Variants in INSYN2B observed in about 807,000 individuals in gnomAD.
INSYN2B encodes inhibitory synaptic factor family member 2B, also known as protein INSYN2B.
Under a neutral mutation model 41.2 loss-of-function variants are expected in INSYN2B, and 16 were observed. That is an observed-to-expected ratio of 0.39 (90% CI 0.26 to 0.59). The LOEUF is 0.59. Among genes scored for constraint, INSYN2B ranks in the 20% least tolerant of loss-of-function variants. The probability of loss-of-function intolerance (pLI) is 0.57; values close to 1 mark genes in which losing one functional copy is unlikely to be tolerated. For missense variants in INSYN2B, 608 were observed against 646.4 expected, an observed-to-expected ratio of 0.94 and a Z score of 0.64; for synonymous variants, 245 against 244.4, an observed-to-expected ratio of 1.00 and a Z score of -0.02.
chr5:169,946,548 C>A lies in INSYN2B; in HGVS notation c.-919+33729G>T, dbSNP rs139281609. ...CACTGCAAAGAACTGGGGGATCTGGCATAGTCACTCATCCATTCATTCATT... is the reference window on the plus strand; with the variant it reads ...CACTGCAAAGAACTGGGGGATCTGGAATAGTCACTCATCCATTCATTCATT... On this transcript the variant is annotated intron_variant, in intron 1 of 3. Coordinates refer to ENST00000377365, the MANE Select transcript of INSYN2B (RefSeq NM_001129891.3). 3.3e-3 allele frequency among the ~76,000 whole-genome samples: 507 copies of A among 152,300 alleles called. 2 individuals are homozygous for A. The highest frequency in any genetic ancestry group is 0.01 in the Middle Eastern group (3 of 294).
intron 1 of INSYN2B, among the ~76,000 whole-genome samples, chr5:169,905,497 C>T (rs950406294): frequency 1.2e-4 from 19 of 152,174 alleles, no homozygotes; most frequent in African/African-American, 4.6e-4. Context: ...CTCGAGGCTG[C>T]CAGGCAGAGT....
At chr5:169,913,605 C>T (rs1390400167) in intron 1 of INSYN2B, among the ~76,000 whole-genome samples, 1 of 152,104 alleles carries the variant, frequency 6.6e-6, no homozygotes, top group African/African-American at 2.4e-5. Flanking sequence ...CTGATATCTG[C>T]AGTGGTTTGT....
intron 3 of INSYN2B, among the ~76,000 whole-genome samples, chr5:169,864,934 T>A (rs1441384184): frequency 6.6e-6 from 1 of 152,212 alleles, no homozygotes; most frequent in East Asian, 1.9e-4. Context: ...TGAGATAATA[T>A]AAATGAAATG....
intron 1 of INSYN2B, among the ~76,000 whole-genome samples, chr5:169,914,360 A>G (rs1486241780): frequency 2.6e-5 from 4 of 152,286 alleles, no homozygotes; most frequent in Middle Eastern, 3.4e-3. Flanking sequence ...TGATTCCTTC[A>G]TTCAGAAAAG....
At chr5:169,949,371 A>G (rs1302179738) in intron 1 of INSYN2B, among the ~76,000 whole-genome samples, 1 of 152,128 alleles carries the variant, frequency 6.6e-6, no homozygotes, top group Non-Finnish European at 1.5e-5. Context: ...GAGAGGAGAG[A>G]TCCCATTCCA....
intron 1 of INSYN2B, among the ~76,000 whole-genome samples, chr5:169,907,202 A>C (rs1215030660): frequency 6.6e-6 from 1 of 152,152 alleles, no homozygotes; most frequent in Admixed American, 6.6e-5. Flanking sequence ...TTTTCTGCTT[A>C]TTGGCAGGCA....
chr5:169,957,797 T>C (rs1488234987), intron 1 of INSYN2B, among the ~76,000 whole-genome samples: 3 of 152,226 alleles, frequency 2.0e-5, no homozygotes, highest in Non-Finnish European at 2.9e-5. Flanking sequence ...TAGAGCTCCA[T>C]GTACTGCTAC....
intron 3 of INSYN2B, among the ~76,000 whole-genome samples, chr5:169,869,240 T>C (rs907483019): frequency 1.3e-5 from 2 of 152,138 alleles, no homozygotes; most frequent in African/African-American, 4.8e-5. Context: ...AAGAACACAC[T>C]CTTTATGTTT....
intron 1 of INSYN2B, among the ~76,000 whole-genome samples, chr5:169,902,409 A>C (rs986301606): frequency 6.6e-6 from 1 of 152,228 alleles, no homozygotes; most frequent in African/African-American, 2.4e-5. Context: ...TTGCCAAGCC[A>C]CCACAGTAGT....
intron 1 of INSYN2B, among the ~76,000 whole-genome samples, chr5:169,965,801 T>TA (rs1777276596): frequency 6.6e-6 from 1 of 152,214 alleles, no homozygotes; most frequent in Admixed American, 6.5e-5. Flanking sequence ...CTGAGGCCTA[T>TA]AGAGGTTAAA....
intron 1 of INSYN2B, among the ~76,000 whole-genome samples, chr5:169,972,327 T>A (rs1235601090): frequency 6.6e-6 from 1 of 152,182 alleles, no homozygotes; most frequent in Non-Finnish European, 1.5e-5. Flanking sequence ...CCTTTATGGA[T>A]CAGAGCTTCT....
chr5:169,899,914 T>A (rs1014532633), intron 1 of INSYN2B, among the ~76,000 whole-genome samples: 17 of 152,234 alleles, frequency 1.1e-4, no homozygotes, highest in African/African-American at 3.9e-4. Context: ...CCTAATCATG[T>A]ATTACTTGAT....
At chr5:169,919,334 G>A (rs1462820555) in intron 1 of INSYN2B, among the ~76,000 whole-genome samples, 1 of 152,134 alleles carries the variant, frequency 6.6e-6, no homozygotes, top group East Asian at 1.9e-4. Context: ...CTCCTTGAAG[G>A]TTTATGAAGA....
At chr5:169,924,574 A>G (rs1279295131) in intron 1 of INSYN2B, among the ~76,000 whole-genome samples, 1 of 152,188 alleles carries the variant, frequency 6.6e-6, no homozygotes, top group Non-Finnish European at 1.5e-5. Context: ...CTGAACACCC[A>G]TCTCATCTCT....
In INSYN2B at chr5:169,877,332, A is replaced by C. The variant is rs373661951; in HGVS notation, c.1421+4036T>G. On this transcript the variant is annotated intron_variant, in intron 3 of 3. Coordinates refer to ENST00000377365, the MANE Select transcript of INSYN2B (RefSeq NM_001129891.3). ...TCTGCATGGAGGATTACTTGAGATA[A>C]GGGAAAAGAGACCTGTGTCAAAAAG... Among the ~76,000 whole-genome samples, 199 of 152,324 alleles carry C rather than the reference A, an allele frequency of 1.3e-3. 5 individuals carry two copies. In the South Asian group the frequency reaches 0.039, roughly 30 times the overall value.
chr5:169,970,867 T>G (rs1338575764), intron 1 of INSYN2B, among the ~76,000 whole-genome samples: 29 of 152,178 alleles, frequency 1.9e-4, no homozygotes, highest in Admixed American at 1.8e-3. Context: ...ATTGTGTCAG[T>G]TGATTTTTCT....
chr5:169,957,766 C>T (rs560815909), intron 1 of INSYN2B, among the ~76,000 whole-genome samples: 18 of 152,292 alleles, frequency 1.2e-4, no homozygotes, highest in African/African-American at 4.3e-4. Context: ...CTGTTCATGA[C>T]CCTGTTAGCC....
intron 1 of INSYN2B, among the ~76,000 whole-genome samples, chr5:169,927,551 G>T (rs969721887): frequency 6.6e-6 from 1 of 152,214 alleles, no homozygotes; most frequent in Non-Finnish European, 1.5e-5. Flanking sequence ...TAGGGTTAAA[G>T]AGGGAAAAGA....
In INSYN2B at chr5:169,958,598, A is replaced by G. The variant is rs1167789621; in HGVS notation, c.-919+21679T>C. ...TTTCCTGGGTTTCTTTTTTTTTGGTATAAATTTACAAAATGTGGTTTAAAT... is the reference window on the plus strand; with the variant it reads ...TTTCCTGGGTTTCTTTTTTTTTGGTGTAAATTTACAAAATGTGGTTTAAAT... On this transcript the variant is annotated intron_variant, in intron 1 of 3. Transcript: ENST00000377365. 2.7e-5 allele frequency among the ~76,000 whole-genome samples: 4 copies of G among 148,288 alleles called. No individual in the cohort carries two copies. The South Asian group carries it at 8.7e-4, about 32-fold the overall frequency.
Sources: allele counts gnomAD v4.1 joint callset (sites outside exome capture counted in the v4.1 genomes callset), GRCh38; gene constraint gnomAD v4.1.1; transcripts MANE v1.5; gene names NCBI Gene and HGNC (gene_info 2026-07-23, HGNC 2026-07-21).